The following PDZD9 variants were observed in gnomAD, a reference collection of about 807,000 sequenced individuals.
PDZD9 encodes the protein PDZ domain-containing protein 9.
A neutral mutation model predicts 16.3 loss-of-function variants in PDZD9; 13 were observed. That is an observed-to-expected ratio of 0.80 (90% CI 0.52 to 1.27). The LOEUF is 1.27. Ranked by LOEUF, PDZD9 falls within the 50% of genes most tolerant of loss-of-function variation. The pLI is 0.00. For missense variants in PDZD9, 288 were observed against 310.9 expected, an observed-to-expected ratio of 0.93 and a Z score of 0.55; for synonymous variants, 120 against 111.0, an observed-to-expected ratio of 1.08 and a Z score of -0.51.
chr16:21,961,400 C>T, the PDZD9 span: 1 of 377,718 alleles, frequency 2.6e-6, no homozygotes, highest in Non-Finnish European at 5.5e-6. Context: ...TAGATCCATA[C>T]GTCAACATAG....
chr16:21,962,076 C>T, the PDZD9 span: 36 of 178,660 alleles, frequency 2.0e-4, no homozygotes, highest in African/African-American at 7.5e-4. Flanking sequence ...AATGGCTGCT[C>T]ATTCTCCCCT....
chr16:21,970,130 T>C, the PDZD9 span, among the ~76,000 whole-genome samples: 1 of 152,234 alleles, frequency 6.6e-6, no homozygotes, highest in Non-Finnish European at 1.5e-5. Flanking sequence ...GTCCATATTG[T>C]AGCATGTGTC....
At chr16:21,998,046 TG>T (rs1899194022) in intron 1 of PDZD9, among the ~76,000 whole-genome samples, 1 of 152,042 alleles carries the variant, frequency 6.6e-6, no homozygotes, top group Non-Finnish European at 1.5e-5. Context: ...GCTCTCTGTT[TG>T]GGAAAATAAA....
chr16:21,962,515 G>A, the PDZD9 span: 8 of 1,614,196 alleles, frequency 5.0e-6, no homozygotes, highest in East Asian at 2.2e-5. Flanking sequence ...GCGGGGTGAT[G>A]TGTAAGTACC....
chr16:21,970,880 C>G, the PDZD9 span, among the ~76,000 whole-genome samples: 53 of 152,204 alleles, frequency 3.5e-4, no homozygotes, highest in African/African-American at 1.3e-3. Flanking sequence ...GCCACCGTGC[C>G]CAGTCAACTT....
intron 1 of PDZD9, among the ~76,000 whole-genome samples, chr16:21,998,039 C>G (rs949020153): frequency 6.6e-6 from 1 of 152,156 alleles, no homozygotes. Context: ...CACAGATGCT[C>G]TCTGTTTGGG....
rs1898952630 is a variant in PDZD9 at position 21,988,863 on chromosome 16, T to A, written c.212-72A>T. 1.8e-5 allele frequency: 23 copies of A among 1,283,538 alleles called. 1 individual carries two copies. The South Asian group carries it at 3.2e-4, about 18-fold the overall frequency. 79.5% of individuals were successfully genotyped at this position (1,283,538 alleles called of 1,614,324 possible). ...GGACTATATTGATTTCTGGCTTTAT[T>A]GTGAGGTATTTCATTTTATGGGTTC... On this transcript the variant is annotated intron_variant, in intron 2 of 3. Transcript: ENST00000424898.
At chr16:21,970,166 G>A in the PDZD9 span, among the ~76,000 whole-genome samples, 1 of 152,082 alleles carries the variant, frequency 6.6e-6, no homozygotes, top group Admixed American at 6.6e-5. Context: ...TCCCTTTTAT[G>A]GCTCAAGAAT....
chr16:21,973,986 A>C, the PDZD9 span: 1 of 1,594,050 alleles, frequency 6.3e-7, no homozygotes, highest in South Asian at 1.1e-5. Context: ...TGTAAGTTGC[A>C]AACTCACCAA....
At chr16:21,980,791 GTAT>G (rs1368750430), downstream of PDZD9, 6 of 1,467,052 alleles carry the variant, frequency 4.1e-6, no homozygotes, top group African/African-American at 1.4e-5. Flanking sequence ...CTTGGGCAGT[GTAT>G]TATTCTTATG....
chr16:21,979,679 G>T (rs1442321330), downstream of PDZD9, among the ~76,000 whole-genome samples: 1 of 152,198 alleles, frequency 6.6e-6, no homozygotes, highest in Non-Finnish European at 1.5e-5. Context: ...AGTGAGTGGT[G>T]AGTAAATGGG....
chr16:21,997,111 C>T (rs1899171249), intron 1 of PDZD9, among the ~76,000 whole-genome samples: 1 of 152,204 alleles, frequency 6.6e-6, no homozygotes, highest in South Asian at 2.1e-4. Flanking sequence ...GTGTGAGCCA[C>T]CGTGCCTGGC....
the PDZD9 span, chr16:21,962,389 G>T: frequency 1.3e-6 from 2 of 1,563,158 alleles, no homozygotes; most frequent in Admixed American, 1.7e-5. Flanking sequence ...GGAATTGGTT[G>T]ATAGAAGATT....
At chr16:21,968,878 T>C in the PDZD9 span, among the ~76,000 whole-genome samples, 3 of 152,222 alleles carry the variant, frequency 2.0e-5, no homozygotes, top group Non-Finnish European at 4.4e-5. Flanking sequence ...TTTAAATTTG[T>C]AAACCACTGG....
chr16:21,971,125 G>C, the PDZD9 span, among the ~76,000 whole-genome samples: 282 of 152,250 alleles, frequency 1.9e-3, 1 homozygote, highest in South Asian at 8.3e-3. Flanking sequence ...CGTCCATTAG[G>C]AGGGGATTGA....
intron 2 of PDZD9, chr16:21,995,398 T>C (rs1000883560): frequency 4.2e-5 from 15 of 359,156 alleles, no homozygotes; most frequent in African/African-American, 2.6e-4. Context: ...CGGACTAATA[T>C]AGACAGCATC....
At chr16:21,968,729 A>G in the PDZD9 span, 1 of 1,562,750 alleles carries the variant, frequency 6.4e-7, no homozygotes, top group Non-Finnish European at 8.7e-7. Flanking sequence ...CTTCCTTAAG[A>G]GCAGTTCCTT....
intron 2 of PDZD9, chr16:21,995,428 G>T (rs1899124451): frequency 6.6e-6 from 2 of 304,176 alleles, no homozygotes; most frequent in South Asian, 2.6e-5. Context: ...TGCTCAGGCT[G>T]GCCTTGAATT....
the PDZD9 span, chr16:21,957,674 A>G: frequency 6.2e-6 from 9 of 1,457,368 alleles, no homozygotes; most frequent in South Asian, 4.0e-5. Context: ...TTGACCTGCC[A>G]TAACAAATTA....
Sources: gnomAD v4.1 joint callset for allele counts (sites outside exome capture counted in the v4.1 genomes callset) on GRCh38, gnomAD v4.1.1 for gene constraint, MANE v1.5 for transcripts, NCBI Gene and HGNC (gene_info 2026-07-23, HGNC 2026-07-21) for gene names.